ATP6V1H: variants seen among roughly 807,000 people sequenced by gnomAD.
ATP6V1H encodes ATPase H+ transporting V1 subunit H.
ATP6V1H carries 39 observed loss-of-function variants against 71.7 expected under a neutral mutation model. That is an observed-to-expected ratio of 0.54 (90% CI 0.42 to 0.71). The LOEUF (loss-of-function observed/expected upper bound fraction) is 0.71. Among genes scored for constraint, ATP6V1H ranks in the 30% least tolerant of loss-of-function variants. The pLI is 0.00. For missense variants in ATP6V1H, 509 were observed against 594.9 expected, an observed-to-expected ratio of 0.86 and a Z score of 1.50; for synonymous variants, 192 against 199.3, an observed-to-expected ratio of 0.96 and a Z score of 0.31.
intron 9 of ATP6V1H, 34 bp from the exon 10 acceptor site, chr8:53,772,201 C>G: frequency 6.5e-7 from 1 of 1,529,782 alleles, no homozygotes; most frequent in African/African-American, 1.4e-5. Context: ...AGAAACTATA[C>G]AATTTGTCAT....
intron 13 of ATP6V1H, among the ~76,000 whole-genome samples, chr8:53,737,082 G>A (rs1807238515): frequency 6.6e-6 from 1 of 152,212 alleles, no homozygotes; most frequent in Non-Finnish European, 1.5e-5. Context: ...CCCCCTTAGA[G>A]CTGTAAGCCC....
rs1481935152 is a variant in ATP6V1H at position 53,781,385 on chromosome 8, GTTGT to G, written c.871-9222_871-9219del. Reference sequence around the variant, plus strand: ...TATCCTTTGCCCACTTTTTGATGGGGTTGTTTGTTTTTTTCTTGCAAATTTGTTT... The same window carrying G: ...TATCCTTTGCCCACTTTTTGATGGGGTTGTTTTTTTCTTGCAAATTTGTTT... On this transcript the variant is annotated intron_variant, in intron 9 of 13. Transcript: ENST00000359530. Among the ~76,000 whole-genome samples the G allele has an allele frequency of 3.5e-4, 53 of 152,232 alleles. 1 individual carries two copies. The highest frequency in any genetic ancestry group is 3.4e-3 in the Middle Eastern group (1 of 294).
At chr8:53,753,645 C>T (rs1807882558) in intron 12 of ATP6V1H, among the ~76,000 whole-genome samples, 1 of 152,174 alleles carries the variant, frequency 6.6e-6, no homozygotes, top group South Asian at 2.1e-4. Flanking sequence ...AGCTATAAAT[C>T]TAAGAGGGCT....
rs910568275 is a variant in ATP6V1H at position 53,802,039 on chromosome 8, T to G, written c.580-143A>C. ...AATTCCCTAATCTCTTTTCAAAAGT[T>G]AATCCTCATGTTTGCTTTAATCTCT... On this transcript the variant is annotated intron_variant, in intron 7 of 13. Coordinates refer to ENST00000359530, the MANE Select transcript of ATP6V1H (RefSeq NM_015941.4). The G allele has an allele frequency of 2.9e-5, 19 of 662,744 alleles. No individual in the cohort carries two copies. The South Asian group carries it at 4.0e-4, about 14-fold the overall frequency. 41.1% of individuals were successfully genotyped at this position (662,744 alleles called of 1,614,324 possible). A position where few individuals can be genotyped will look rare whatever the true frequency, so the allele number is the denominator to read the frequency against.
chr8:53,777,968 T>C (rs764540003), intron 9 of ATP6V1H, among the ~76,000 whole-genome samples: 16 of 152,236 alleles, frequency 1.1e-4, no homozygotes, highest in Admixed American at 3.9e-4. Context: ...TTTACTTCCA[T>C]AATATACATG....
intron 6 of ATP6V1H, among the ~76,000 whole-genome samples, chr8:53,813,242 T>C (rs181700812): frequency 1.4e-3 from 220 of 152,288 alleles, no homozygotes; most frequent in African/African-American, 5.1e-3. Flanking sequence ...TTAAAATTGA[T>C]GCTATTAACA....
In ATP6V1H at chr8:53,814,716, T is replaced by G; in HGVS notation, c.471A>C (p.Glu157Asp). 6.2e-7 allele frequency: 1 copy of G among 1,613,006 alleles called. No homozygotes were observed. The highest frequency in any genetic ancestry group is 1.1e-5 in the South Asian group (1 of 90,814). The change falls in exon 6 of 14, where the codon GAA becomes GAC. Residue 157 changes from glutamate to aspartate, a missense_variant. This residue lies in a region of ATP6V1H where 297 missense variants were observed against 303.3 expected (regional missense o/e 0.98). Transcript: ENST00000359530. ...KLAAWGKELMEGSDLNYYFNW... is the reference protein window; with the variant it reads ...KLAAWGKELMDGSDLNYYFNW... ...TGAAATAGTAATTTAAGTCACTGCC[T>G]TCCATCAGTTCTTTTCCCCAAGCTG...
chr8:53,744,499 C>T (rs545136863), intron 12 of ATP6V1H, among the ~76,000 whole-genome samples: 6 of 152,302 alleles, frequency 3.9e-5, no homozygotes, highest in African/African-American at 1.4e-4. Flanking sequence ...ATTCTTCAGC[C>T]ACCAGTCCTG....
intron 13 of ATP6V1H, among the ~76,000 whole-genome samples, chr8:53,731,067 C>T (rs1044083816): frequency 6.6e-6 from 1 of 152,304 alleles, no homozygotes; most frequent in East Asian, 1.9e-4. Context: ...GTGTTAGTTC[C>T]GCTACTGCTA....
intron 9 of ATP6V1H, among the ~76,000 whole-genome samples, chr8:53,774,441 G>A (rs571508437): frequency 6.6e-6 from 1 of 152,124 alleles, no homozygotes; most frequent in East Asian, 1.9e-4. Context: ...ACAAAACTAC[G>A]ATTCTGTGAT....
intron 7 of ATP6V1H, among the ~76,000 whole-genome samples, chr8:53,808,053 C>G (rs116608577): frequency 1.9e-3 from 282 of 152,324 alleles, no homozygotes; most frequent in African/African-American, 6.4e-3. Flanking sequence ...CTACTAGTGA[C>G]ACAGCATTCA....
chr8:53,754,098 C>T (rs562588596), intron 12 of ATP6V1H, among the ~76,000 whole-genome samples: 4 of 152,306 alleles, frequency 2.6e-5, no homozygotes, highest in African/African-American at 9.6e-5. Flanking sequence ...ACCCCAATCT[C>T]TCATATGGCA....
chr8:53,808,074 ACT>A (rs1398588490), intron 7 of ATP6V1H, among the ~76,000 whole-genome samples: 2 of 152,230 alleles, frequency 1.3e-5, no homozygotes, highest in Admixed American at 6.5e-5. Context: ...TCTAGCAACT[ACT>A]CATTCCAGAC....
At chr8:53,814,593 C>T in intron 6 of ATP6V1H, 69 bp downstream of exon 6, 1 of 870,550 alleles carries the variant, frequency 1.1e-6, no homozygotes, top group East Asian at 2.6e-5. Context: ...AACATATTTA[C>T]TATAAATAGC....
chr8:53,762,408 T>C (rs193237981), intron 11 of ATP6V1H, among the ~76,000 whole-genome samples: 1 of 152,264 alleles, frequency 6.6e-6, no homozygotes, highest in East Asian at 1.9e-4. Context: ...ATAATATCAA[T>C]TCCCCCTAGA....
At chr8:53,811,689 C>T (rs1810279923) in intron 6 of ATP6V1H, among the ~76,000 whole-genome samples, 1 of 152,152 alleles carries the variant, frequency 6.6e-6, no homozygotes, top group South Asian at 2.1e-4. Context: ...CAATCAAAAT[C>T]TCAAATGTCA....
At chr8:53,758,938 G>A (rs1011221930) in intron 11 of ATP6V1H, among the ~76,000 whole-genome samples, 4 of 152,182 alleles carry the variant, frequency 2.6e-5, no homozygotes, top group Admixed American at 6.5e-5. Flanking sequence ...CCCAAATCAC[G>A]TTGCCAATCC....
intron 8 of ATP6V1H, among the ~76,000 whole-genome samples, chr8:53,798,101 A>G (rs779027941): frequency 1.3e-5 from 2 of 152,242 alleles, no homozygotes; most frequent in Non-Finnish European, 1.5e-5. Flanking sequence ...ATAGCACAAT[A>G]TAATGTAAAT....
chr8:53,771,938 C>G (rs748160252), intron 10 of ATP6V1H, 51 bp downstream of exon 10: 1 of 1,536,218 alleles, frequency 6.5e-7, no homozygotes, highest in Non-Finnish European at 8.9e-7. Context: ...CTATGCAAGT[C>G]AAACAAAGCC....
Sources: allele counts gnomAD v4.1 joint callset (sites outside exome capture counted in the v4.1 genomes callset), GRCh38; gene constraint gnomAD v4.1.1; regional missense constraint gnomAD v4.1.1; transcripts MANE v1.5; gene names NCBI Gene and HGNC (gene_info 2026-07-23, HGNC 2026-07-21).